Variants in DLGAP1 observed in about 807,000 individuals in gnomAD.
The protein encoded by DLGAP1 is disks large-associated protein 1.
Under a neutral mutation model 90.8 loss-of-function variants are expected in DLGAP1, and 11 were observed. That is an observed-to-expected ratio of 0.12 (90% CI 0.08 to 0.20). DLGAP1 has a LOEUF of 0.20. Ranked by LOEUF, DLGAP1 falls within the 10% of genes least tolerant of loss-of-function variation. DLGAP1 has a pLI of 1.00. For missense variants in DLGAP1, 1,050 were observed against 1,333.8 expected (o/e 0.79, Z 3.31); for synonymous variants, 558 against 540.7 (o/e 1.03, Z -0.44).
At chr18:3,659,294 T>A (rs1434472515) in intron 7 of DLGAP1, among the ~76,000 whole-genome samples, 2 of 152,054 alleles carry the variant, frequency 1.3e-5, no homozygotes, top group African/African-American at 4.8e-5. Flanking sequence ...AAGCTACACA[T>A]AGCACTGCTG....
chr18:4,369,243 G>A (rs1289597866), intron 1 of DLGAP1, among the ~76,000 whole-genome samples: 4 of 152,244 alleles, frequency 2.6e-5, no homozygotes, highest in African/African-American at 9.6e-5. Context: ...GCACATATGT[G>A]TGTATTTGAC....
intron 7 of DLGAP1, among the ~76,000 whole-genome samples, chr18:3,675,935 G>A (rs2060282263): frequency 6.6e-6 from 1 of 152,208 alleles, no homozygotes; most frequent in Non-Finnish European, 1.5e-5. Flanking sequence ...TATTGATACA[G>A]GAGTTAAGAA....
chr18:3,881,917 A>G (rs2148831587), intron 3 of DLGAP1, among the ~76,000 whole-genome samples: 1 of 148,806 alleles, frequency 6.7e-6, no homozygotes, highest in East Asian at 1.9e-4. Context: ...CGTCTGTCTC[A>G]GAACAAACAA....
chr18:3,765,411 T>A (rs1303355450), intron 5 of DLGAP1, among the ~76,000 whole-genome samples: 1 of 150,412 alleles, frequency 6.6e-6, no homozygotes, highest in Non-Finnish European at 1.5e-5. Context: ...ATTACAGGCG[T>A]GAGCCACTGC....
At chr18:3,887,912 T>C (rs1009685245) in intron 3 of DLGAP1, among the ~76,000 whole-genome samples, 1 of 151,464 alleles carries the variant, frequency 6.6e-6, no homozygotes, top group Admixed American at 6.6e-5. Flanking sequence ...ATCGAGACCA[T>C]CCTGGCTAAC....
intron 4 of DLGAP1, among the ~76,000 whole-genome samples, chr18:3,842,366 C>T (rs1471143541): frequency 6.6e-6 from 1 of 152,018 alleles, no homozygotes; most frequent in Non-Finnish European, 1.5e-5. Flanking sequence ...TAAAGAGGAA[C>T]CAGTGAAGGA....
intron 9 of DLGAP1, among the ~76,000 whole-genome samples, chr18:3,552,556 G>C (rs11081054): frequency 0.12 from 18,537 of 152,140 alleles, 1,945 homozygotes; most frequent in African/African-American, 0.29. Flanking sequence ...TCGGGACCCT[G>C]GGGGCTGAGC....
At chr18:4,341,168 C>T (rs2081180493) in intron 1 of DLGAP1, among the ~76,000 whole-genome samples, 1 of 151,538 alleles carries the variant, frequency 6.6e-6, no homozygotes, top group African/African-American at 2.4e-5. Context: ...TATCTATCTG[C>T]TTTAAGAATA....
intron 6 of DLGAP1, among the ~76,000 whole-genome samples, chr18:3,735,747 C>G (rs535429520): frequency 2.0e-5 from 3 of 152,158 alleles, no homozygotes; most frequent in African/African-American, 7.2e-5. Flanking sequence ...AATCATAAAA[C>G]GGTAACTAAT....
chr18:3,738,307 G>A (rs1345952942), intron 6 of DLGAP1, among the ~76,000 whole-genome samples: 1 of 146,418 alleles, frequency 6.8e-6, no homozygotes, highest in Admixed American at 6.7e-5. Context: ...AAAAGAGCCC[G>A]CATCGCCAAG....
chr18:4,437,841 T>G (rs1598421228), intron 1 of DLGAP1, among the ~76,000 whole-genome samples: 1 of 151,992 alleles, frequency 6.6e-6, no homozygotes, highest in Non-Finnish European at 1.5e-5. Flanking sequence ...AAATAGGAAT[T>G]AACATATAAA....
chr18:3,747,685 T>C (rs1262405148), intron 5 of DLGAP1, among the ~76,000 whole-genome samples: 1 of 152,146 alleles, frequency 6.6e-6, no homozygotes, highest in Non-Finnish European at 1.5e-5. Flanking sequence ...GAGGCATCAT[T>C]GCAACAATCA....
chr18:4,160,430 T>C (rs930987104), intron 1 of DLGAP1, among the ~76,000 whole-genome samples: 1 of 152,214 alleles, frequency 6.6e-6, no homozygotes, highest in African/African-American at 2.4e-5. Context: ...ACTTCTGTTA[T>C]AAGAAAAGCT....
At chr18:4,093,800 T>C (rs2075627884) in intron 2 of DLGAP1, among the ~76,000 whole-genome samples, 1 of 152,152 alleles carries the variant, frequency 6.6e-6, no homozygotes. Flanking sequence ...TTATCTCTCT[T>C]GGTCTCATTG....
intron 7 of DLGAP1, among the ~76,000 whole-genome samples, chr18:3,694,648 T>C (rs1384390153): frequency 6.6e-6 from 1 of 152,236 alleles, no homozygotes; most frequent in Non-Finnish European, 1.5e-5. Flanking sequence ...TGATGAACAT[T>C]TTTTCATACG....
intron 2 of DLGAP1, among the ~76,000 whole-genome samples, chr18:4,034,091 G>C (rs1012459612): frequency 7.1e-6 from 1 of 140,760 alleles, no homozygotes; most frequent in African/African-American, 2.6e-5. Context: ...GCCCAGGCTG[G>C]AGTGCAGTGG....
intron 1 of DLGAP1, among the ~76,000 whole-genome samples, chr18:4,321,593 C>G (rs2080687877): frequency 6.6e-6 from 1 of 152,150 alleles, no homozygotes; most frequent in South Asian, 2.1e-4. Context: ...TTCAAGTATC[C>G]ATGCAGATAC....
intron 1 of DLGAP1, among the ~76,000 whole-genome samples, chr18:4,438,829 G>A (rs1017248992): frequency 1.3e-5 from 2 of 152,006 alleles, no homozygotes; most frequent in Non-Finnish European, 1.5e-5. Flanking sequence ...TCCATGAAAC[G>A]CCTCTCTCAT....
chr18:4,007,088 T>C (rs2074316914), intron 2 of DLGAP1, among the ~76,000 whole-genome samples: 1 of 152,158 alleles, frequency 6.6e-6, no homozygotes, highest in South Asian at 2.1e-4. Context: ...GCCTGGCCCA[T>C]GCTAAGCACT....
Sources: allele counts gnomAD v4.1 joint callset (sites outside exome capture counted in the v4.1 genomes callset), GRCh38; gene constraint gnomAD v4.1.1; transcripts MANE v1.5; gene names NCBI Gene and HGNC (gene_info 2026-07-23, HGNC 2026-07-21).